PIEZO2: variants seen among roughly 807,000 people sequenced by gnomAD.
PIEZO2 encodes the protein piezo type mechanosensitive ion channel component 2, also known as piezo-type mechanosensitive ion channel component 2.
PIEZO2 carries 172 observed loss-of-function variants against 337.3 expected under a neutral mutation model. The observed-to-expected ratio is 0.51, with a 90% confidence interval of 0.45 to 0.58. The LOEUF is 0.58. Ranked by LOEUF, PIEZO2 falls within the 20% of genes least tolerant of loss-of-function variation. PIEZO2 has a pLI of 0.00. For synonymous variants in PIEZO2, 1,251 were observed against 1,228.5 expected (o/e 1.02, Z -0.38); for missense variants, 3,028 against 3,391.3 (o/e 0.89, Z 2.66).
rs549220443 is a variant in PIEZO2 at position 10,955,194 on chromosome 18, G to C, written c.286+24341C>G. On this transcript the variant is annotated intron_variant, in intron 3 of 55. Transcript: ENST00000674853. Reference sequence around the variant, plus strand: ...GAAATTGTGGGTTTAAACAGAAAGAGTTTCTAAAACTCAAGCCAAATTACA... The same window carrying C: ...GAAATTGTGGGTTTAAACAGAAAGACTTTCTAAAACTCAAGCCAAATTACA... 9.2e-5 allele frequency among the ~76,000 whole-genome samples: 14 copies of C among 152,260 alleles called. No individual in the cohort carries two copies. In the East Asian group the frequency reaches 2.5e-3, roughly 27 times the overall value.
chr18:11,091,254 C>T (rs945850308), intron 1 of PIEZO2, among the ~76,000 whole-genome samples: 14 of 151,600 alleles, frequency 9.2e-5, no homozygotes, highest in Non-Finnish European at 1.6e-4. Context: ...CATGGTGGCA[C>T]GCGCCTGTAA....
In PIEZO2 at chr18:10,800,244, A is replaced by T. The variant is rs1045763659; in HGVS notation, c.1378+93T>A. 4.6e-5 allele frequency: 67 copies of T among 1,448,690 alleles called. No individual in the cohort carries two copies. The Middle Eastern group carries it at 5.3e-4, about 11-fold the overall frequency. 89.7% of individuals were successfully genotyped at this position (1,448,690 alleles called of 1,614,324 possible). A position where few individuals can be genotyped will look rare whatever the true frequency, so the allele number is the denominator to read the frequency against. ...TGACACTGACATGGATACAGTTTTT[A>T]AAAAAATAAAATAAGCAACAACAAC... is the stretch of plus-strand genomic sequence containing the variant. On this transcript the variant is annotated intron_variant, in intron 11 of 55. Coordinates refer to ENST00000674853, the MANE Select transcript of PIEZO2 (RefSeq NM_001378183.1).
intron 7 of PIEZO2, among the ~76,000 whole-genome samples, chr18:10,826,722 C>A (rs2040688033): frequency 6.6e-6 from 1 of 152,166 alleles, no homozygotes; most frequent in African/African-American, 2.4e-5. Flanking sequence ...TTTTAATTTG[C>A]AGACATTAAG....
chr18:10,894,491 C>T lies in PIEZO2; in HGVS notation c.329+16695G>A, dbSNP rs933930158. On this transcript the variant is annotated intron_variant, in intron 4 of 55. Transcript: ENST00000674853. This position sits in a 1 kb window ranked among gnomAD's most constrained non-coding sequence, Gnocchi z 4.1. Reference sequence around the variant, plus strand: ...AAAAAGGCAAAATAGCAGAGTATGACCTTCCAGGGACATTTCGCAGGTAAA... The same window carrying T: ...AAAAAGGCAAAATAGCAGAGTATGATCTTCCAGGGACATTTCGCAGGTAAA... 3 of 152,112 alleles carry T rather than the reference C, an allele frequency of 2.0e-5. No homozygotes were observed. The highest frequency in any genetic ancestry group is 4.4e-5 in the Non-Finnish European group (3 of 68,066). The allele number at this position is 152,112 out of a possible 1,614,324, so 9.4% of individuals were successfully genotyped here.
At position 10,767,710 on chromosome 18, in the gene PIEZO2, T is replaced by C. The variant is rs895509259; in HGVS notation, c.2946+2438A>G. On this transcript the variant is annotated intron_variant, in intron 21 of 55. Transcript: ENST00000674853. The surrounding 1 kb of genome is among the most constrained non-coding windows in gnomAD (Gnocchi z 4.2). ...GCAGGGCCTGTGTGAGGGTGGCCCC[T>C]GGTCCTGATGGGGAGGCACAGAGCA... 6.6e-6 allele frequency among the ~76,000 whole-genome samples: 1 copy of C among 152,054 alleles called. No homozygotes were observed. Among genetic ancestry groups the C allele is most frequent in the African/African-American group, 2.4e-5 (1 of 41,390 alleles).
intron 29 of PIEZO2, among the ~76,000 whole-genome samples, 182 bp downstream of exon 29, chr18:10,749,909 A>G (rs1208726825): frequency 6.6e-6 from 1 of 152,242 alleles, no homozygotes; most frequent in African/African-American, 2.4e-5. Context: ...GAGGCTTAGC[A>G]TAAGGCATCT....
chr18:10,884,921 C>T (rs141394833), intron 4 of PIEZO2, among the ~76,000 whole-genome samples: 1 of 152,146 alleles, frequency 6.6e-6, no homozygotes, highest in East Asian at 1.9e-4. Flanking sequence ...AGACCACAAA[C>T]TGGACCCATT....
chr18:10,910,538 A>G (rs1489767347), intron 4 of PIEZO2, among the ~76,000 whole-genome samples: 11 of 152,150 alleles, frequency 7.2e-5, no homozygotes, highest in African/African-American at 2.7e-4. Flanking sequence ...AGCCGAGATC[A>G]TGCCAGTGCA....
intron 39 of PIEZO2, among the ~76,000 whole-genome samples, chr18:10,711,736 A>G (rs1471367434): frequency 6.6e-6 from 1 of 152,224 alleles, no homozygotes; most frequent in Admixed American, 6.5e-5. Flanking sequence ...GCAAAGGTGC[A>G]ATATTCAAAC....
chr18:10,936,037 G>C (rs1377132667), intron 3 of PIEZO2, among the ~76,000 whole-genome samples: 2 of 152,178 alleles, frequency 1.3e-5, no homozygotes, highest in East Asian at 3.8e-4. Context: ...TGGTATCTTT[G>C]GAGATGTCTT....
At chr18:11,056,969 A>T (rs1311419294) in intron 2 of PIEZO2, among the ~76,000 whole-genome samples, 1 of 152,212 alleles carries the variant, frequency 6.6e-6, no homozygotes, top group Non-Finnish European at 1.5e-5. Flanking sequence ...AGTAACTAGG[A>T]ATATTCTGTG....
intron 9 of PIEZO2, among the ~76,000 whole-genome samples, chr18:10,801,972 G>A (rs928174139): frequency 1.3e-5 from 2 of 151,014 alleles, no homozygotes; most frequent in African/African-American, 4.9e-5. Context: ...TGTAGTCCCA[G>A]ATACTTGGGA....
At chr18:10,966,602 T>C (rs2034009084) in intron 3 of PIEZO2, among the ~76,000 whole-genome samples, 1 of 152,134 alleles carries the variant, frequency 6.6e-6, no homozygotes. Flanking sequence ...GTAGCTGTTA[T>C]TTTTTTAATT....
At chr18:10,822,562 C>T (rs2040549065) in intron 7 of PIEZO2, among the ~76,000 whole-genome samples, 1 of 152,144 alleles carries the variant, frequency 6.6e-6, no homozygotes, top group Non-Finnish European at 1.5e-5. Flanking sequence ...TAAGTCCCAG[C>T]CCTGGAAAGC....
chr18:11,056,537 G>C (rs2145874855), intron 2 of PIEZO2, among the ~76,000 whole-genome samples: 1 of 152,302 alleles, frequency 6.6e-6, no homozygotes, highest in South Asian at 2.1e-4. Context: ...CAGAAATCAG[G>C]AATCACTCTA....
At chr18:10,947,657 AG>A (rs11361404) in intron 3 of PIEZO2, among the ~76,000 whole-genome samples, 4,574 of 149,434 alleles carry the variant, frequency 0.031, 227 homozygotes, top group African/African-American at 0.1. Context: ...GGGGTACAAA[AG>A]ACAGAAAGGG....
At chr18:10,765,502 A>G (rs1473905143) in intron 21 of PIEZO2, among the ~76,000 whole-genome samples, 1 of 152,128 alleles carries the variant, frequency 6.6e-6, no homozygotes, top group Non-Finnish European at 1.5e-5. Context: ...CTGTGGGAAG[A>G]CTATTCTGGC....
At chr18:10,802,330 C>G (rs1379356361) in intron 9 of PIEZO2, among the ~76,000 whole-genome samples, 1 of 152,000 alleles carries the variant, frequency 6.6e-6, no homozygotes, top group Non-Finnish European at 1.5e-5. Context: ...CACTGAGGGT[C>G]CCAAAGAGAC....
chr18:10,764,380 G>T (rs1042620543), intron 21 of PIEZO2, among the ~76,000 whole-genome samples: 1 of 152,070 alleles, frequency 6.6e-6, no homozygotes, highest in Admixed American at 6.5e-5. Context: ...GGTGGCTCAC[G>T]CCTGTAATCC....
Sources: allele counts gnomAD v4.1 joint callset (sites outside exome capture counted in the v4.1 genomes callset), GRCh38; gene constraint gnomAD v4.1.1; non-coding constraint Gnocchi (gnomAD v3.1); transcripts MANE v1.5; gene names NCBI Gene and HGNC (gene_info 2026-07-23, HGNC 2026-07-21).